The following SV2C variants were observed in gnomAD, a reference collection of about 807,000 sequenced individuals.
The protein encoded by SV2C is solute carrier family 22 member B3.
Under a neutral mutation model 79.7 loss-of-function variants are expected in SV2C, and 49 were observed. The observed-to-expected ratio is 0.61, with a 90% CI of 0.49 to 0.78. SV2C has a LOEUF of 0.78. Ranked by LOEUF, SV2C falls within the 30% of genes least tolerant of loss-of-function variation. The pLI is 0.00. For synonymous variants in SV2C, 334 were observed against 333.2 expected (o/e 1.00, Z -0.03); for missense variants, 833 against 912.9 (o/e 0.91, Z 1.13).
At chr5:76,012,984 A>G in the SV2C span, among the ~76,000 whole-genome samples, 1 of 152,142 alleles carries the variant, frequency 6.6e-6, no homozygotes, top group Admixed American at 6.6e-5. Context: ...TGGTACCAGT[A>G]CCATGCTGTT....
At chr5:76,130,888 C>T (rs757051253) in intron 1 of SV2C, among the ~76,000 whole-genome samples, 6 of 151,956 alleles carry the variant, frequency 3.9e-5, no homozygotes, top group Admixed American at 1.3e-4. Flanking sequence ...TGTGAAGGGA[C>T]ATGGCATGGA....
the SV2C span, among the ~76,000 whole-genome samples, chr5:75,953,405 A>G: frequency 1.3e-5 from 2 of 152,108 alleles, no homozygotes; most frequent in African/African-American, 4.8e-5. Context: ...AACTTCATAT[A>G]TCAAAAATAC....
chr5:75,965,597 T>C, the SV2C span, among the ~76,000 whole-genome samples: 1 of 152,194 alleles, frequency 6.6e-6, no homozygotes, highest in Admixed American at 6.5e-5. Context: ...AGAAATAAAC[T>C]TCTATGGTTT....
At chr5:76,279,815 A>G (rs1020401966) in intron 4 of SV2C, among the ~76,000 whole-genome samples, 4 of 152,204 alleles carry the variant, frequency 2.6e-5, no homozygotes, top group Admixed American at 6.5e-5. Context: ...AGAATGACCC[A>G]TCAAGTAAAG....
intron 1 of SV2C, among the ~76,000 whole-genome samples, chr5:76,097,175 T>A (rs924850660): frequency 6.6e-6 from 1 of 152,174 alleles, no homozygotes; most frequent in South Asian, 2.1e-4. Flanking sequence ...AGTTTTCCAG[T>A]GTCCCAGCAG....
chr5:76,096,510 A>G (rs534399069), intron 1 of SV2C, among the ~76,000 whole-genome samples: 71 of 152,228 alleles, frequency 4.7e-4, no homozygotes, highest in African/African-American at 1.5e-3. Flanking sequence ...GGTTTTTTCA[A>G]GTTGCATTTT....
At position 76,132,281 on chromosome 5, in the gene SV2C, C is replaced by G. The variant is rs1377418272; in HGVS notation, c.531C>G (p.Pro177=). ...TGTTTGTCGTTGGCTTCGTGTTACC[C>G]AGTGCTGAGACAGACCTCTGCATCC... is the stretch of plus-strand genomic sequence containing the variant. ...VEVFVVGFVL[P]SAETDLCIPN... The change falls in exon 2 of 13, where the codon CCC becomes CCG. Residue 177 remains proline, a synonymous_variant. Transcript: ENST00000502798. The G allele has an allele frequency of 6.2e-7, 1 of 1,613,970 alleles. No individual in the cohort carries two copies. The highest frequency in any genetic ancestry group is 1.1e-5 in the South Asian group (1 of 91,054).
At chr5:76,219,600 G>A (rs1184659498) in intron 4 of SV2C, among the ~76,000 whole-genome samples, 1 of 152,168 alleles carries the variant, frequency 6.6e-6, no homozygotes, top group African/African-American at 2.4e-5. Flanking sequence ...CCAGCCTCTT[G>A]TCTCTCTCCC....
chr5:76,062,966 T>C, the SV2C span, among the ~76,000 whole-genome samples: 1 of 152,150 alleles, frequency 6.6e-6, no homozygotes, highest in Non-Finnish European at 1.5e-5. Flanking sequence ...TGGAGTGTTA[T>C]CTCATCTTAT....
chr5:76,136,254 T>C (rs1749066618), intron 2 of SV2C, among the ~76,000 whole-genome samples: 1 of 152,240 alleles, frequency 6.6e-6, no homozygotes, highest in Non-Finnish European at 1.5e-5. Context: ...AATTCCCGTA[T>C]GCATTGGTAG....
chr5:76,119,002 A>G (rs193085290), intron 1 of SV2C, among the ~76,000 whole-genome samples: 7 of 152,310 alleles, frequency 4.6e-5, no homozygotes, highest in Admixed American at 4.6e-4. Flanking sequence ...AGAAAAGGAA[A>G]GACATCAAAA....
chr5:76,122,909 CA>C (rs1304949207), intron 1 of SV2C, among the ~76,000 whole-genome samples: 1 of 151,910 alleles, frequency 6.6e-6, no homozygotes, highest in Non-Finnish European at 1.5e-5. Flanking sequence ...AAAAACCCTT[CA>C]AAAAATTAAT....
chr5:76,129,125 T>C (rs1453806968), intron 1 of SV2C, among the ~76,000 whole-genome samples: 2 of 152,234 alleles, frequency 1.3e-5, no homozygotes, highest in African/African-American at 4.8e-5. Context: ...TTTAACTCCG[T>C]ATTTTGAAAT....
At chr5:76,308,808 A>G (rs1208150770) in intron 12 of SV2C, among the ~76,000 whole-genome samples, 4 of 152,120 alleles carry the variant, frequency 2.6e-5, no homozygotes, top group African/African-American at 9.7e-5. Context: ...TGTTGTACTT[A>G]TCAAGAAGAA....
intron 12 of SV2C, among the ~76,000 whole-genome samples, chr5:76,340,661 C>T (rs1400231859): frequency 6.6e-6 from 1 of 152,184 alleles, no homozygotes; most frequent in Non-Finnish European, 1.5e-5. Flanking sequence ...CTCCACCCAA[C>T]ACTGGAGGAA....
the SV2C span, among the ~76,000 whole-genome samples, chr5:75,859,779 A>G: frequency 5.5e-3 from 845 of 152,262 alleles, 3 homozygotes; most frequent in African/African-American, 0.019. Context: ...TGAAAAGTTA[A>G]AGATCTTAAG....
chr5:76,054,162 G>A, the SV2C span, among the ~76,000 whole-genome samples: 1 of 151,958 alleles, frequency 6.6e-6, no homozygotes, highest in South Asian at 2.1e-4. Flanking sequence ...CCCCCTGACA[G>A]GCCCCGGTGT....
chr5:75,875,488 AC>A, the SV2C span, among the ~76,000 whole-genome samples: 1 of 152,208 alleles, frequency 6.6e-6, no homozygotes, highest in African/African-American at 2.4e-5. Context: ...TTGGAAGACA[AC>A]CTAGGCAATA....
chr5:76,163,690 T>G (rs920037025), intron 2 of SV2C, among the ~76,000 whole-genome samples: 10 of 152,220 alleles, frequency 6.6e-5, no homozygotes, highest in Admixed American at 6.5e-4. Flanking sequence ...TCACACAGAT[T>G]AAACATTTTA....
Sources: allele counts gnomAD v4.1 joint callset (sites outside exome capture counted in the v4.1 genomes callset), GRCh38; gene constraint gnomAD v4.1.1; transcripts MANE v1.5; gene names NCBI Gene and HGNC (gene_info 2026-07-23, HGNC 2026-07-21).